AGBL1: variants seen among roughly 807,000 people sequenced by gnomAD.
The protein encoded by AGBL1 is AGBL carboxypeptidase 1, also known as cytosolic carboxypeptidase 4.
AGBL1 carries 130 observed loss-of-function variants against 118.9 expected under a neutral mutation model. The ratio of observed to expected loss-of-function variants is 1.09; its 90% CI spans 0.95 to 1.26. AGBL1 has a LOEUF of 1.26. Ranked by LOEUF, AGBL1 falls within the 50% of genes most tolerant of loss-of-function variation. AGBL1 has a pLI of 0.00. For missense variants in AGBL1, 1,584 were observed against 1,298.1 expected, an observed-to-expected ratio of 1.22 and a Z score of -3.38; for synonymous variants, 555 against 478.9, an observed-to-expected ratio of 1.16 and a Z score of -2.08.
At chr15:86,551,020 A>T (rs1427499207) in intron 20 of AGBL1, among the ~76,000 whole-genome samples, 1 of 152,062 alleles carries the variant, frequency 6.6e-6, no homozygotes, top group Non-Finnish European at 1.5e-5. Context: ...TAATTAGAAA[A>T]TATCTTTAAG....
At chr15:86,482,660 A>T (rs1362640181) in intron 18 of AGBL1, among the ~76,000 whole-genome samples, 1 of 152,114 alleles carries the variant, frequency 6.6e-6, no homozygotes, top group Non-Finnish European at 1.5e-5. Context: ...AGGAGAGGAA[A>T]CAAATGAAAT....
At chr15:86,179,512 A>G (rs1408693826) in intron 5 of AGBL1, among the ~76,000 whole-genome samples, 1 of 152,130 alleles carries the variant, frequency 6.6e-6, no homozygotes, top group East Asian at 1.9e-4. Context: ...AAGATCTACC[A>G]TTTCCCAATA....
At chr15:86,990,795 TCAAGGCCACCAGGAG>T (rs1350863255) in intron 24 of AGBL1, among the ~76,000 whole-genome samples, 1 of 152,106 alleles carries the variant, frequency 6.6e-6, no homozygotes, top group Non-Finnish European at 1.5e-5. Context: ...CGAAGGTGGT[TCAAGGCCACCAGGAG>T]CAAGGACAGG....
At chr15:86,097,245 G>T (rs905859828) in intron 1 of AGBL1, among the ~76,000 whole-genome samples, 5 of 152,076 alleles carry the variant, frequency 3.3e-5, no homozygotes, top group African/African-American at 1.2e-4. Context: ...TACATATATA[G>T]AATGTGGAAC....
At chr15:86,353,769 C>T (rs2080668016) in intron 17 of AGBL1, among the ~76,000 whole-genome samples, 1 of 152,044 alleles carries the variant, frequency 6.6e-6, no homozygotes, top group African/African-American at 2.4e-5. Context: ...GGAGTCCAGA[C>T]TTTTAGGGAA....
chr15:86,119,597 T>G (rs959097502), intron 1 of AGBL1, among the ~76,000 whole-genome samples: 3 of 151,982 alleles, frequency 2.0e-5, no homozygotes, highest in Non-Finnish European at 2.9e-5. Context: ...AGGAACATGA[T>G]GGACCCCACA....
chr15:86,539,038 C>G (rs1409181842), intron 19 of AGBL1, among the ~76,000 whole-genome samples: 1 of 152,126 alleles, frequency 6.6e-6, no homozygotes, highest in Non-Finnish European at 1.5e-5. Flanking sequence ...TGCAATTTAG[C>G]TCAGACAAGA....
At chr15:86,995,248 T>G in intron 24 of AGBL1, among the ~76,000 whole-genome samples, 1 of 151,982 alleles carries the variant, frequency 6.6e-6, no homozygotes, top group East Asian at 1.9e-4. Flanking sequence ...TTAGCCGAAC[T>G]TGATGGTGCG....
At chr15:86,109,105 G>C (rs1472038664) in intron 1 of AGBL1, among the ~76,000 whole-genome samples, 1 of 152,142 alleles carries the variant, frequency 6.6e-6, no homozygotes, top group Non-Finnish European at 1.5e-5. Flanking sequence ...AAAATGAAAG[G>C]AGTTAGTATA....
intron 21 of AGBL1, among the ~76,000 whole-genome samples, chr15:86,663,910 A>T (rs973462123): frequency 6.6e-6 from 1 of 152,124 alleles, no homozygotes; most frequent in Non-Finnish European, 1.5e-5. Flanking sequence ...ATAGTCTCTG[A>T]TTCACATTTA....
rs143752882 is a variant in AGBL1 at position 86,783,666 on chromosome 15, G to A, written c.3158+109230G>A. Among the ~76,000 whole-genome samples, 276 of 152,272 alleles carry A rather than the reference G, an allele frequency of 1.8e-3. 2 individuals are homozygous for A. The highest frequency in any genetic ancestry group is 6.4e-3 in the African/African-American group (266 of 41,552). On this transcript the variant is annotated intron_variant, in intron 22 of 22. Coordinates refer to ENST00000614907, the MANE Select transcript of AGBL1 (RefSeq NM_001386094.1). ...TTTTTTTGAGACAGAGTCTCACTCC[G>A]TCACCCAGGCTGGAGTGCAGAGGCA...
chr15:86,779,893 G>A (rs2078308092), intron 22 of AGBL1, among the ~76,000 whole-genome samples: 1 of 149,338 alleles, frequency 6.7e-6, no homozygotes, highest in South Asian at 2.2e-4. Context: ...TGATTGAGTT[G>A]GAAAAGTATG....
At chr15:86,444,385 C>A (rs766603647) in intron 18 of AGBL1, among the ~76,000 whole-genome samples, 9 of 152,150 alleles carry the variant, frequency 5.9e-5, no homozygotes, top group Admixed American at 2.0e-4. Flanking sequence ...GTTAGCCCTA[C>A]CTGGATTCAC....
intron 17 of AGBL1, among the ~76,000 whole-genome samples, chr15:86,326,035 C>G (rs981143531): frequency 6.6e-6 from 1 of 152,116 alleles, no homozygotes; most frequent in South Asian, 2.1e-4. Context: ...CAATAAATAA[C>G]TTTTTTAAAG....
chr15:86,624,255 G>A (rs888797242), intron 21 of AGBL1, among the ~76,000 whole-genome samples: 3 of 152,196 alleles, frequency 2.0e-5, no homozygotes, highest in Non-Finnish European at 2.9e-5. Context: ...TCACAATCAA[G>A]AGCAAGTGAA....
chr15:86,131,951 A>G (rs2076825683), intron 1 of AGBL1, among the ~76,000 whole-genome samples: 3 of 149,990 alleles, frequency 2.0e-5, no homozygotes, highest in Admixed American at 2.0e-4. Flanking sequence ...ATGTCTCGAA[A>G]AAAAAAAAAA....
intron 18 of AGBL1, among the ~76,000 whole-genome samples, chr15:86,490,862 C>T (rs1298727158): frequency 6.6e-6 from 1 of 152,074 alleles, no homozygotes; most frequent in African/African-American, 2.4e-5. Flanking sequence ...TTCCAAGTCT[C>T]TTGCCAATTT....
chr15:86,305,755 A>G (rs2079830082), intron 17 of AGBL1, among the ~76,000 whole-genome samples: 1 of 152,142 alleles, frequency 6.6e-6, no homozygotes, highest in Admixed American at 6.6e-5. Flanking sequence ...GCATGAATAC[A>G]TATGTACAGA....
intron 22 of AGBL1, among the ~76,000 whole-genome samples, chr15:86,761,847 A>G (rs1189232971): frequency 6.6e-6 from 1 of 152,006 alleles, no homozygotes; most frequent in South Asian, 2.1e-4. Flanking sequence ...ATAACATCAC[A>G]TTTGTCAATT....
Sources: allele counts gnomAD v4.1 joint callset (sites outside exome capture counted in the v4.1 genomes callset), GRCh38; gene constraint gnomAD v4.1.1; transcripts MANE v1.5; gene names NCBI Gene and HGNC (gene_info 2026-07-23, HGNC 2026-07-21).